The following CCBE1 variants were observed in gnomAD, a reference collection of about 807,000 sequenced individuals.
CCBE1 encodes collagen and calcium binding EGF domains 1, also known as collagen and calcium-binding EGF domain-containing protein 1.
A neutral mutation model predicts 50.0 loss-of-function variants in CCBE1; 37 were observed. The ratio of observed to expected loss-of-function variants is 0.74; its 90% CI spans 0.57 to 0.97. CCBE1 has a LOEUF of 0.97. CCBE1 is among the 50% of genes least tolerant of loss of function. The probability of loss-of-function intolerance (pLI) is 0.00; values close to 1 mark genes in which losing one functional copy is unlikely to be tolerated. For missense variants in CCBE1, 538 were observed against 523.8 expected (o/e 1.03, Z -0.26); for synonymous variants, 234 against 203.7 (o/e 1.15, Z -1.27).
chr18:59,584,435 G>A (rs2053145438), intron 2 of CCBE1, among the ~76,000 whole-genome samples: 2 of 151,904 alleles, frequency 1.3e-5, no homozygotes, highest in Non-Finnish European at 2.9e-5. Flanking sequence ...CACCAGCATG[G>A]CACATGTATA....
intron 2 of CCBE1, among the ~76,000 whole-genome samples, chr18:59,659,892 C>T (rs2144686165): frequency 6.6e-6 from 1 of 152,234 alleles, no homozygotes; most frequent in African/African-American, 2.4e-5. Context: ...CTCAGAGGTC[C>T]CCCCTCCCAG....
At chr18:59,669,402 C>T (rs541552117) in intron 2 of CCBE1, among the ~76,000 whole-genome samples, 1 of 152,324 alleles carries the variant, frequency 6.6e-6, no homozygotes, top group Middle Eastern at 3.4e-3. Flanking sequence ...AGGGTTCTGA[C>T]CAACAGCTCC....
chr18:59,515,200 G>A (rs1459532292), intron 2 of CCBE1, among the ~76,000 whole-genome samples: 1 of 152,168 alleles, frequency 6.6e-6, no homozygotes, highest in Non-Finnish European at 1.5e-5. Flanking sequence ...CACGTTCTTT[G>A]CGCTGAGCCA....
intron 2 of CCBE1, among the ~76,000 whole-genome samples, chr18:59,674,426 A>T (rs1246193846): frequency 6.6e-6 from 1 of 152,152 alleles, no homozygotes. Context: ...CAATGAGAAC[A>T]CATGGATACA....
chr18:59,614,557 G>A (rs890654683), intron 2 of CCBE1, among the ~76,000 whole-genome samples: 3 of 152,176 alleles, frequency 2.0e-5, no homozygotes, highest in Non-Finnish European at 2.9e-5. Flanking sequence ...AGCAGCAGAC[G>A]GCTGGGGCAA....
At chr18:59,473,693 TCCC>T (rs1912150222) in intron 3 of CCBE1, among the ~76,000 whole-genome samples, 1 of 115,670 alleles carries the variant, frequency 8.6e-6, no homozygotes, top group East Asian at 2.6e-4. Context: ...CATCCAACCC[TCCC>T]ACTACTCCCC....
At chr18:59,598,703 C>G (rs77801272) in intron 2 of CCBE1, among the ~76,000 whole-genome samples, 2,436 of 152,310 alleles carry the variant, frequency 0.016, 76 homozygotes, top group African/African-American at 0.056. Context: ...TGATCCAGAC[C>G]TGGCCAGTCA....
At chr18:59,690,119 G>T (rs888804709) in intron 2 of CCBE1, among the ~76,000 whole-genome samples, 8 of 152,180 alleles carry the variant, frequency 5.3e-5, no homozygotes, top group Non-Finnish European at 5.9e-5. Flanking sequence ...TTTTGTTGTT[G>T]TTGGGGGTTT....
chr18:59,585,162 T>A (rs1026856793), intron 2 of CCBE1, among the ~76,000 whole-genome samples: 1 of 151,990 alleles, frequency 6.6e-6, no homozygotes, highest in Non-Finnish European at 1.5e-5. Context: ...TCCCTCAATA[T>A]GGAATAGCCC....
chr18:59,461,827 G>A (rs1477532765), intron 5 of CCBE1, among the ~76,000 whole-genome samples: 1 of 149,752 alleles, frequency 6.7e-6, no homozygotes, highest in Middle Eastern at 3.5e-3. Flanking sequence ...CAGCCTCCTG[G>A]GTTCAAGCGA....
intron 2 of CCBE1, among the ~76,000 whole-genome samples, chr18:59,556,223 G>T (rs1463558753): frequency 6.6e-6 from 1 of 152,146 alleles, no homozygotes; most frequent in East Asian, 1.9e-4. Flanking sequence ...ATACAGACAA[G>T]GTGTCTTGTC....
At chr18:59,611,671 G>A (rs1272099666) in intron 2 of CCBE1, among the ~76,000 whole-genome samples, 1 of 152,134 alleles carries the variant, frequency 6.6e-6, no homozygotes, top group Non-Finnish European at 1.5e-5. Context: ...ACTTGAACCA[G>A]GGAGGCTGAG....
chr18:59,606,592 C>T (rs557887335), intron 2 of CCBE1, among the ~76,000 whole-genome samples: 15 of 152,112 alleles, frequency 9.9e-5, no homozygotes, highest in Non-Finnish European at 1.6e-4. Flanking sequence ...AGCATCTCCA[C>T]GGGGCCCCAG....
chr18:59,603,279 A>C (rs1046441385), intron 2 of CCBE1, among the ~76,000 whole-genome samples: 1 of 152,318 alleles, frequency 6.6e-6, no homozygotes, highest in African/African-American at 2.4e-5. Context: ...TAAGTAGTTG[A>C]AGGAATGAGA....
At chr18:59,627,377 T>C (rs2053799172) in intron 2 of CCBE1, among the ~76,000 whole-genome samples, 1 of 152,224 alleles carries the variant, frequency 6.6e-6, no homozygotes. Flanking sequence ...AGCAGTATAC[T>C]TCCTTAGTTT....
chr18:59,663,108 TAGGG>T (rs1369991052), intron 2 of CCBE1, among the ~76,000 whole-genome samples: 2,264 of 59,072 alleles, frequency 0.038, 43 homozygotes, highest in African/African-American at 0.21. Flanking sequence ...GGCTTGGTGC[TAGGG>T]ATAGGGATAG....
At chr18:59,599,399 A>G (rs1052228673) in intron 2 of CCBE1, among the ~76,000 whole-genome samples, 5 of 152,232 alleles carry the variant, frequency 3.3e-5, no homozygotes, top group Non-Finnish European at 5.9e-5. Flanking sequence ...ATCTAGAATT[A>G]ATGTAATTAC....
At chr18:59,692,956 GCACACACACACACACACACACACA>G (rs59496597) in intron 2 of CCBE1, among the ~76,000 whole-genome samples, 2 of 86,888 alleles carry the variant, frequency 2.3e-5, no homozygotes, top group African/African-American at 8.7e-5. Context: ...TCAAGCCAAA[GCACACACACACACACACACACACA>G]CACACACACA....
rs116626355 is a variant in CCBE1, at chr18:59,689,107, A to G, written c.212+7522T>C. ...ACTATTAGTAGTACAAGAACAAGCC[A>G]TGGGCCCTAGTTTGCCAATCCCTGC... On this transcript the variant is annotated intron_variant, in intron 2 of 10. Coordinates refer to ENST00000439986, the MANE Select transcript of CCBE1 (RefSeq NM_133459.4). 7.3e-3 allele frequency among the ~76,000 whole-genome samples: 1,112 copies of G among 152,342 alleles called. 11 individuals carry two copies. The highest frequency in any genetic ancestry group is 0.025 in the African/African-American group (1,042 of 41,584).
Sources: gnomAD v4.1 joint callset for allele counts (sites outside exome capture counted in the v4.1 genomes callset) on GRCh38, gnomAD v4.1.1 for gene constraint, MANE v1.5 for transcripts, NCBI Gene and HGNC (gene_info 2026-07-23, HGNC 2026-07-21) for gene names.